The following LHCGR variants were observed in gnomAD, a reference collection of about 807,000 sequenced individuals.
The protein encoded by LHCGR is lutropin-choriogonadotropic hormone receptor.
In LHCGR, 55 loss-of-function variants were observed where a neutral mutation model predicts 60.7. The ratio of observed to expected loss-of-function variants is 0.91; its 90% CI spans 0.73 to 1.13. The LOEUF (loss-of-function observed/expected upper bound fraction) is 1.13. LHCGR is among the 50% of genes most tolerant of loss of function. LHCGR has a pLI of 0.00. For synonymous variants in LHCGR, 337 were observed against 316.5 expected (o/e 1.06, Z -0.69); for missense variants, 862 against 836.0 (o/e 1.03, Z -0.38).
At position 48,698,647 on chromosome 2, in the gene LHCGR, G is replaced by A. The variant is rs1332890565; in HGVS notation, c.834C>T (p.His278=). 4 of 1,614,052 alleles carry A rather than the reference G, an allele frequency of 2.5e-6. No individual in the cohort carries two copies. The highest frequency in any genetic ancestry group is 1.3e-5 in the African/African-American group (1 of 74,912). ...LLEATLTYPS[H]CCAFRNLPTK... ...TTGGCAAGTTTCTAAAAGCACAGCAGTGGCTGGGGTAAGTCAACGTGGCCT... is the reference window on the plus strand; with the variant it reads ...TTGGCAAGTTTCTAAAAGCACAGCAATGGCTGGGGTAAGTCAACGTGGCCT... Residue 278 remains histidine (H), a synonymous_variant, in exon 9 of 11, where the codon CAC becomes CAT. Transcript: ENST00000294954.
chr2:48,704,689 A>G (rs1667576785), intron 8 of LHCGR, among the ~76,000 whole-genome samples: 1 of 152,180 alleles, frequency 6.6e-6, no homozygotes, highest in African/African-American at 2.4e-5. Flanking sequence ...AGGTGTTTAT[A>G]GTATTCTCTG....
At chr2:48,751,655 G>C (rs1368551990) in intron 1 of LHCGR, among the ~76,000 whole-genome samples, 1 of 152,334 alleles carries the variant, frequency 6.6e-6, no homozygotes, top group Non-Finnish European at 1.5e-5. Flanking sequence ...CACTGCAAGT[G>C]AGAGGAAGAG....
intron 4 of LHCGR, 44 bp downstream of exon 4, chr2:48,725,632 C>G (rs1390356624): frequency 6.9e-6 from 9 of 1,298,338 alleles, no homozygotes; most frequent in Admixed American, 3.4e-5. Context: ...TCATCAGATG[C>G]CCATCTTCCC....
At chr2:48,708,667 G>A (rs1040785383) in intron 8 of LHCGR, 3 of 551,700 alleles carry the variant, frequency 5.4e-6, no homozygotes, top group African/African-American at 3.8e-5. Flanking sequence ...TGGAATAGAT[G>A]CTTTCTTCAC....
chr2:48,730,371 C>T (rs1027616651), intron 2 of LHCGR, among the ~76,000 whole-genome samples: 2 of 152,108 alleles, frequency 1.3e-5, no homozygotes, highest in African/African-American at 2.4e-5. Context: ...CCGACAAGTC[C>T]GTAACCTGCA....
rs1392642323 is a variant in LHCGR, at chr2:48,755,686, G to A, written c.-15C>T. Reference sequence around the variant, plus strand: ...CGCTGCTTCATGGCCGGCGAACTGGGCTTCTGCGGCTTGCCAGTGTCTTGG... The same window carrying A: ...CGCTGCTTCATGGCCGGCGAACTGGACTTCTGCGGCTTGCCAGTGTCTTGG... On this transcript the variant is annotated 5_prime_UTR_variant, in exon 1 of 11. Transcript: ENST00000294954. 6.5e-7 allele frequency: 1 copy of A among 1,534,306 alleles called. No individual in the cohort carries two copies. The highest frequency in any genetic ancestry group is 2.3e-4 in the Middle Eastern group (1 of 4,366).
chr2:48,724,715 G>A (rs753181429), intron 4 of LHCGR, among the ~76,000 whole-genome samples: 1 of 152,170 alleles, frequency 6.6e-6, no homozygotes, highest in Admixed American at 6.5e-5. Context: ...CAAAGTAGTT[G>A]ATGCTACCGT....
chr2:48,725,593 T>G, intron 4 of LHCGR, 83 bp downstream of exon 4: 1 of 990,308 alleles, frequency 1.0e-6, no homozygotes, highest in Non-Finnish European at 1.6e-6. Flanking sequence ...TTAAACAAAA[T>G]CTTTCCAACC....
intron 1 of LHCGR, among the ~76,000 whole-genome samples, chr2:48,733,498 C>G (rs1191568010): frequency 6.6e-6 from 1 of 152,150 alleles, no homozygotes; most frequent in Non-Finnish European, 1.5e-5. Context: ...TGAAATTTTG[C>G]AGCGTTGATG....
intron 7 of LHCGR, among the ~76,000 whole-genome samples, chr2:48,713,574 A>T (rs550154654): frequency 6.6e-6 from 1 of 152,186 alleles, no homozygotes; most frequent in African/African-American, 2.4e-5. Context: ...GGACTCTCTG[A>T]GTGGGTCTGT....
At chr2:48,716,727 T>C (rs1668265777) in intron 6 of LHCGR, among the ~76,000 whole-genome samples, 1 of 152,228 alleles carries the variant, frequency 6.6e-6, no homozygotes, top group Non-Finnish European at 1.5e-5. Flanking sequence ...TTTGGCAGTC[T>C]CCTGTCATTT....
Position 48,724,056 on chromosome 2 carries a change from C to G in LHCGR, c.384-360G>C, listed in dbSNP as rs145540819. Among the ~76,000 whole-genome samples the G allele has an allele frequency of 3.2e-4, 49 of 152,338 alleles. No homozygotes were observed. The East Asian group carries it at 9.4e-3, about 29-fold the overall frequency. The stretch of plus-strand genomic sequence containing the variant: ...CTTTTGGTAATTAGTTTATTACAAG[C>G]TCTTGATAGTTCGAGAAAGCATCCT... On this transcript the variant is annotated intron_variant, in intron 4 of 10. Coordinates refer to ENST00000294954, the MANE Select transcript of LHCGR (RefSeq NM_000233.4).
intron 10 of LHCGR, among the ~76,000 whole-genome samples, chr2:48,691,581 C>T (rs950319814): frequency 6.6e-6 from 1 of 152,166 alleles, no homozygotes; most frequent in Non-Finnish European, 1.5e-5. Context: ...CGCGGTGGCT[C>T]ATGCCTGTAA....
At chr2:48,738,036 A>G (rs1300760429) in intron 1 of LHCGR, among the ~76,000 whole-genome samples, 1 of 152,168 alleles carries the variant, frequency 6.6e-6, no homozygotes, top group East Asian at 1.9e-4. Context: ...ATGTTTGTCG[A>G]TACACTCTAC....
intron 1 of LHCGR, among the ~76,000 whole-genome samples, chr2:48,753,382 A>G (rs1670065986): frequency 6.6e-6 from 1 of 152,200 alleles, no homozygotes; most frequent in African/African-American, 2.4e-5. Flanking sequence ...CAACCTCCAC[A>G]GAGTGACAAG....
intron 1 of LHCGR, among the ~76,000 whole-genome samples, chr2:48,733,431 G>T (rs1324176981): frequency 6.6e-6 from 1 of 152,208 alleles, no homozygotes; most frequent in African/African-American, 2.4e-5. Flanking sequence ...AGTGCAAGAA[G>T]CTGTAGATCA....
At chr2:48,691,178 TA>T (rs1234592444) in intron 10 of LHCGR, among the ~76,000 whole-genome samples, 1 of 152,238 alleles carries the variant, frequency 6.6e-6, no homozygotes, top group Admixed American at 6.5e-5. Context: ...TACATATTAT[TA>T]AAAGCATATT....
At chr2:48,702,809 A>G (rs1389412583) in intron 8 of LHCGR, among the ~76,000 whole-genome samples, 19 of 152,324 alleles carry the variant, frequency 1.2e-4, no homozygotes, top group African/African-American at 4.8e-5. Context: ...GCTCGGTCAA[A>G]TGGTATTTCT....
At chr2:48,733,005 A>G (rs757379975) in intron 1 of LHCGR, 8 of 530,008 alleles carry the variant, frequency 1.5e-5, no homozygotes, top group East Asian at 5.5e-5. Flanking sequence ...TGCTTCCTAT[A>G]TTTCTTCTGG....
Sources: gnomAD v4.1 joint callset for allele counts (sites outside exome capture counted in the v4.1 genomes callset) on GRCh38, gnomAD v4.1.1 for gene constraint, MANE v1.5 for transcripts, NCBI Gene and HGNC (gene_info 2026-07-23, HGNC 2026-07-21) for gene names.